LDLRAP1: variants seen among roughly 807,000 people sequenced by gnomAD.
LDLRAP1 encodes low density lipoprotein receptor adaptor protein 1.
In LDLRAP1, 30 loss-of-function variants were observed where a neutral mutation model predicts 37.8. The observed-to-expected ratio is 0.79, with a 90% CI of 0.59 to 1.08. The LOEUF (loss-of-function observed/expected upper bound fraction) is 1.08, where lower values mean the gene tolerates loss of function less well. LDLRAP1 is among the 50% of genes least tolerant of loss of function. LDLRAP1 has a pLI of 0.00. For missense variants in LDLRAP1, 375 were observed against 401.6 expected (o/e 0.93, Z 0.57); for synonymous variants, 156 against 169.8 (o/e 0.92, Z 0.63).
intron 1 of LDLRAP1, among the ~76,000 whole-genome samples, chr1:25,546,966 G>A (rs2043948651): frequency 6.6e-6 from 1 of 152,120 alleles, no homozygotes; most frequent in Admixed American, 6.5e-5. Context: ...ACCACAACAA[G>A]GGTGTAGATC....
chr1:25,587,284 T>G, the LDLRAP1 span, among the ~76,000 whole-genome samples: 1 of 152,188 alleles, frequency 6.6e-6, no homozygotes, highest in African/African-American at 2.4e-5. Context: ...TCCAAGTAGC[T>G]GGGACCACAG....
intron 1 of LDLRAP1, among the ~76,000 whole-genome samples, chr1:25,551,273 C>G (rs1248112421): frequency 6.6e-6 from 1 of 152,088 alleles, no homozygotes; most frequent in African/African-American, 2.4e-5. Context: ...AGAGGGGAAG[C>G]CTTAGGTATT....
At chr1:25,561,904 G>A (rs1246705726) in intron 4 of LDLRAP1, among the ~76,000 whole-genome samples, 1 of 152,144 alleles carries the variant, frequency 6.6e-6, no homozygotes, top group Admixed American at 6.6e-5. Flanking sequence ...AGTGCCAGAG[G>A]GAGGTGGGTG....
the LDLRAP1 span, among the ~76,000 whole-genome samples, chr1:25,580,299 C>G: frequency 2.2e-4 from 34 of 152,136 alleles, no homozygotes; most frequent in Admixed American, 2.2e-3. Context: ...CACAGTGGCT[C>G]CTGCCTGTAA....
At chr1:25,573,381 C>T (rs1007554495), downstream of LDLRAP1, among the ~76,000 whole-genome samples, 3 of 152,188 alleles carry the variant, frequency 2.0e-5, no homozygotes, top group African/African-American at 4.8e-5. Flanking sequence ...GGCGAGGGTG[C>T]AGGTGGTCCC....
At chr1:25,546,821 G>GT (rs1202004341) in intron 1 of LDLRAP1, among the ~76,000 whole-genome samples, 5 of 135,624 alleles carry the variant, frequency 3.7e-5, no homozygotes, top group South Asian at 2.1e-4. Context: ...TTTCTTATGG[G>GT]TTTTTTTGTG....
At position 25,557,877 on chromosome 1, in the gene LDLRAP1, A is replaced by AT. The variant is rs1397621153; in HGVS notation, c.459+619dup. On this transcript the variant is annotated intron_variant, in intron 4 of 8. Transcript: ENST00000374338. Reference sequence around the variant, plus strand: ...CAAGGTGGCAACTGTTACTCTCTCCATTTTTTTTTCTTCTTTTTTTTAAAG... The same window carrying AT: ...CAAGGTGGCAACTGTTACTCTCTCCATTTTTTTTTTCTTCTTTTTTTTAAAG... Among the ~76,000 whole-genome samples the AT allele has an allele frequency of 4.5e-3, 536 of 119,320 alleles. 7 individuals carry two copies. Among genetic ancestry groups the AT allele is most frequent in the African/African-American group, 0.017 (478 of 28,116 alleles). 78.3% of individuals were successfully genotyped at this position (119,320 alleles called of 152,430 possible). A position where few individuals can be genotyped will look rare whatever the true frequency, so the allele number is the denominator to read the frequency against.
At chr1:25,585,526 C>A in the LDLRAP1 span, among the ~76,000 whole-genome samples, 1 of 152,130 alleles carries the variant, frequency 6.6e-6, no homozygotes, top group African/African-American at 2.4e-5. Flanking sequence ...AGGGTTTCAC[C>A]GTGTTAGCCA....
the LDLRAP1 span, among the ~76,000 whole-genome samples, chr1:25,582,548 G>A: frequency 6.7e-6 from 1 of 149,858 alleles, no homozygotes; most frequent in African/African-American, 2.5e-5. Context: ...TCGTGCCACT[G>A]CACTCCAGCC....
chr1:25,569,974 G>A (rs558010267), downstream of LDLRAP1, among the ~76,000 whole-genome samples: 1 of 152,332 alleles, frequency 6.6e-6, no homozygotes, highest in East Asian at 1.9e-4. Flanking sequence ...TCACAGAAAG[G>A]CCACTCTCTT....
In LDLRAP1 at chr1:25,554,993, G is replaced by A. The variant is rs761994104; in HGVS notation, c.344+21G>A. The A allele has an allele frequency of 6.3e-7, 1 of 1,575,664 alleles. No individual in the cohort carries two copies. Among genetic ancestry groups the A allele is most frequent in the African/African-American group, 1.3e-5 (1 of 74,278 alleles). On this transcript the variant is annotated intron_variant, in intron 3 of 8. Coordinates refer to ENST00000374338, the MANE Select transcript of LDLRAP1 (RefSeq NM_015627.3). This position sits in a 1 kb window ranked among gnomAD's most constrained non-coding sequence, Gnocchi z 5.4. ...TACAGGTACGCTCAGCATGGGGTTGGCCCATCCACTCTGCCACTTGGGGCA... is the reference window on the plus strand; with the variant it reads ...TACAGGTACGCTCAGCATGGGGTTGACCCATCCACTCTGCCACTTGGGGCA...
intron 1 of LDLRAP1, among the ~76,000 whole-genome samples, chr1:25,547,104 G>A (rs533374635): frequency 4.6e-5 from 7 of 152,292 alleles, no homozygotes; most frequent in Non-Finnish European, 2.9e-5. Context: ...GGATTGGAGT[G>A]CAAGTCATTT....
chr1:25,545,412 G>C (rs1385297921), intron 1 of LDLRAP1, among the ~76,000 whole-genome samples: 1 of 152,150 alleles, frequency 6.6e-6, no homozygotes, highest in African/African-American at 2.4e-5. Flanking sequence ...CTGATCCTCG[G>C]TTTCCTCATC....
At chr1:25,575,126 G>C in the LDLRAP1 span, among the ~76,000 whole-genome samples, 13 of 152,174 alleles carry the variant, frequency 8.5e-5, no homozygotes, top group Admixed American at 2.0e-4. Context: ...GGGCCGCAAG[G>C]CTGGACCAGG....
chr1:25,583,028 T>C, the LDLRAP1 span, among the ~76,000 whole-genome samples: 1 of 151,596 alleles, frequency 6.6e-6, no homozygotes, highest in South Asian at 2.1e-4. Context: ...GCCGAGATCG[T>C]GCCACTGCAC....
chr1:25,580,205 C>T, the LDLRAP1 span, among the ~76,000 whole-genome samples: 3 of 152,134 alleles, frequency 2.0e-5, no homozygotes, highest in Admixed American at 6.6e-5. Flanking sequence ...GTCATGCCTG[C>T]TCCTAGCTGA....
rs2044533836 is a variant in LDLRAP1 at position 25,568,148 on chromosome 1, A to G, written c.*1156A>G. On this transcript the variant is annotated 3_prime_UTR_variant, in exon 9 of 9. Transcript: ENST00000374338. Reference sequence around the variant, plus strand: ...ATTTTCTGACCAAAATGTGTTTCATAACAAACCATCTGGTGCCTTTCCACA... The same window carrying G: ...ATTTTCTGACCAAAATGTGTTTCATGACAAACCATCTGGTGCCTTTCCACA... 1 of 152,638 alleles carries G rather than the reference A, an allele frequency of 6.6e-6. No homozygotes were observed. The highest frequency in any genetic ancestry group is 2.4e-5 in the African/African-American group (1 of 41,464). The allele number at this position is 152,638 out of a possible 1,614,324, so 9.5% of individuals were successfully genotyped here.
rs1026523706 is a variant in LDLRAP1, at chr1:25,544,629, G to C, written c.88+843G>C. On this transcript the variant is annotated intron_variant, in intron 1 of 8. Transcript: ENST00000374338. This position sits in a 1 kb window ranked among gnomAD's most constrained non-coding sequence, Gnocchi z 4.8. The stretch of plus-strand genomic sequence containing the variant: ...CTCCCCCAGTCTCTGATTACGCTCA[G>C]GGAACTTGTCACCTGGCACCTTCCC... Among the ~76,000 whole-genome samples, 1 of 152,148 alleles carries C rather than the reference G, an allele frequency of 6.6e-6. No individual in the cohort carries two copies. Among genetic ancestry groups the C allele is most frequent in the Non-Finnish European group, 1.5e-5 (1 of 68,004 alleles).
intron 4 of LDLRAP1, among the ~76,000 whole-genome samples, chr1:25,560,559 C>A (rs1316604180): frequency 6.6e-6 from 1 of 152,210 alleles, no homozygotes; most frequent in African/African-American, 2.4e-5. Flanking sequence ...CAAAGTGCTA[C>A]CCCCATTTCC....
Sources: allele counts gnomAD v4.1 joint callset (sites outside exome capture counted in the v4.1 genomes callset), GRCh38; gene constraint gnomAD v4.1.1; non-coding constraint Gnocchi (gnomAD v3.1); transcripts MANE v1.5; gene names NCBI Gene and HGNC (gene_info 2026-07-23, HGNC 2026-07-21).